TRIO: variants seen among roughly 807,000 people sequenced by gnomAD.
TRIO encodes the protein trio Rho guanine nucleotide exchange factor, also known as triple functional domain protein.
Under a neutral mutation model 351.9 loss-of-function variants are expected in TRIO, and 58 were observed. The observed-to-expected ratio is 0.16, with a 90% CI of 0.13 to 0.21. The LOEUF (loss-of-function observed/expected upper bound fraction) is 0.21. TRIO is among the 10% of genes least tolerant of loss of function. The pLI, the probability that TRIO is intolerant of heterozygous loss-of-function variation, is 1.00. For synonymous variants in TRIO, 1,758 were observed against 1,595.7 expected (o/e 1.10, Z -2.42); for missense variants, 3,201 against 4,027.8 (o/e 0.79, Z 5.56).
chr5:14,491,987 G>A (rs1462012993), intron 48 of TRIO, among the ~76,000 whole-genome samples: 3 of 152,178 alleles, frequency 2.0e-5, no homozygotes, highest in South Asian at 2.1e-4. Context: ...ATCGATTTAC[G>A]TTCAGGGGTT....
chr5:14,282,131 T>C (rs1581520728), intron 3 of TRIO, among the ~76,000 whole-genome samples: 2 of 152,358 alleles, frequency 1.3e-5, no homozygotes, highest in African/African-American at 4.8e-5. Flanking sequence ...TGAGCCCTAC[T>C]TATCTGGAGT....
intron 1 of TRIO, among the ~76,000 whole-genome samples, chr5:14,159,598 C>G (rs1052148870): frequency 1.1e-4 from 16 of 147,342 alleles, no homozygotes; most frequent in Non-Finnish European, 1.8e-4. Context: ...GAGATGGAGT[C>G]TTGCTCTGTT....
At chr5:14,249,836 A>G (rs1182979594) in intron 1 of TRIO, among the ~76,000 whole-genome samples, 2 of 152,212 alleles carry the variant, frequency 1.3e-5, no homozygotes, top group South Asian at 2.1e-4. Flanking sequence ...GGGAGAGAAC[A>G]TGGAGACAAA....
chr5:14,385,116 G>T (rs1426513662), intron 21 of TRIO, among the ~76,000 whole-genome samples: 1 of 152,358 alleles, frequency 6.6e-6, no homozygotes, highest in South Asian at 2.1e-4. Flanking sequence ...ACGAGGCTCC[G>T]TTGCTGGGGG....
intron 11 of TRIO, among the ~76,000 whole-genome samples, chr5:14,352,153 C>T (rs1216846947): frequency 2.0e-5 from 3 of 151,882 alleles, no homozygotes; most frequent in East Asian, 3.9e-4. Flanking sequence ...GGGCCCTGTA[C>T]ACACCTGCAG....
intron 34 of TRIO, among the ~76,000 whole-genome samples, chr5:14,431,440 C>T (rs1186545948): frequency 6.6e-6 from 1 of 152,188 alleles, no homozygotes; most frequent in Non-Finnish European, 1.5e-5. Flanking sequence ...TAAACAGGCT[C>T]GTTTGCCTTG....
rs1757875450 is a variant in TRIO, at chr5:14,508,513, A to C, written c.*91A>C. ...AGAAAACAAGCAAACATAACTGATC[A>C]GCTGCCGGTATGTTCATCGTGTGAA... On this transcript the variant is annotated 3_prime_UTR_variant, in exon 57 of 57. Transcript: ENST00000344204. 2.8e-6 allele frequency: 4 copies of C among 1,443,234 alleles called. No individual in the cohort carries two copies. The African/African-American group carries it at 5.7e-5, about 20-fold the overall frequency. 89.4% of individuals were successfully genotyped at this position (1,443,234 alleles called of 1,614,324 possible).
intron 10 of TRIO, among the ~76,000 whole-genome samples, chr5:14,334,740 C>G (rs1339338624): frequency 6.6e-6 from 1 of 152,244 alleles, no homozygotes; most frequent in Admixed American, 6.5e-5. Flanking sequence ...CGAGGTGACG[C>G]TCAGCTGGGG....
Position 14,207,523 on chromosome 5 carries a change from T to TACACACACACACAC in TRIO, c.158-63281_158-63268dup, listed in dbSNP as rs113435385. 5.3e-4 allele frequency among the ~76,000 whole-genome samples: 28 copies of TACACACACACACAC among 53,188 alleles called. 1 individual carries two copies. The highest frequency in any genetic ancestry group is 6.7e-4 in the African/African-American group (11 of 16,344). 34.9% of individuals were successfully genotyped at this position (53,188 alleles called of 152,430 possible). ...AGGTAGCATAGCAAGACTGTCTCTC[T>TACACACACACACAC]ACACACACACACACACACACACACA... On this transcript the variant is annotated intron_variant, in intron 1 of 56. Coordinates refer to ENST00000344204, the MANE Select transcript of TRIO (RefSeq NM_007118.4).
At chr5:14,489,383 C>T (rs1311904945) in intron 48 of TRIO, among the ~76,000 whole-genome samples, 2 of 152,222 alleles carry the variant, frequency 1.3e-5, no homozygotes, top group Admixed American at 6.5e-5. Flanking sequence ...ACTGTGTCCT[C>T]CAGAGCAAGG....
chr5:14,348,523 GT>G, intron 11 of TRIO, among the ~76,000 whole-genome samples: 1 of 152,338 alleles, frequency 6.6e-6, no homozygotes, highest in East Asian at 1.9e-4. Context: ...GTGAGGATGT[GT>G]TTTTCCTGCT....
At chr5:14,257,778 C>T (rs1795109182) in intron 1 of TRIO, among the ~76,000 whole-genome samples, 1 of 152,140 alleles carries the variant, frequency 6.6e-6, no homozygotes, top group Admixed American at 6.5e-5. Context: ...ATGTCTCAGT[C>T]TGTTCTTTTA....
At chr5:14,244,413 T>C (rs1295057802) in intron 1 of TRIO, among the ~76,000 whole-genome samples, 1 of 152,232 alleles carries the variant, frequency 6.6e-6, no homozygotes, top group Non-Finnish European at 1.5e-5. Flanking sequence ...AGAAATCAGA[T>C]GCTTTCTTTT....
At position 14,406,352 on chromosome 5, in the gene TRIO, T is replaced by C. The variant is rs1341156069; in HGVS notation, c.4860-221T>C. ...GGCAACGATCATATCAACTATATTT[T>C]ATGGTGATGGGAATCCAACAGGATG... On this transcript the variant is annotated intron_variant, in intron 32 of 56. Coordinates refer to ENST00000344204, the MANE Select transcript of TRIO (RefSeq NM_007118.4). 6.9e-6 allele frequency: 4 copies of C among 575,598 alleles called. No individual in the cohort carries two copies. In the African/African-American group the frequency reaches 7.5e-5, roughly 11 times the overall value. The allele number at this position is 575,598 out of a possible 1,614,324, so 35.7% of individuals were successfully genotyped here. A position where few individuals can be genotyped will look rare whatever the true frequency, so the allele number is the denominator to read the frequency against.
intron 41 of TRIO, 84 bp from the exon 42 acceptor site, chr5:14,479,177 A>T: frequency 8.8e-7 from 1 of 1,132,796 alleles, no homozygotes; most frequent in Non-Finnish European, 1.3e-6. Context: ...GCCTTTATGA[A>T]TGTGCTGAAA....
chr5:14,330,723 A>G (rs1740831633), intron 9 of TRIO, 55 bp from the exon 10 acceptor site: 1 of 1,590,742 alleles, frequency 6.3e-7, no homozygotes, highest in South Asian at 1.1e-5. Flanking sequence ...AACCTTAAAC[A>G]TTGAACATGG....
rs1753925973 is a variant in TRIO, at chr5:14,462,771, G to T, written c.5513G>T (p.Gly1838Val). Reference sequence around the variant, plus strand: ...GGATTTCAGAGAGGCCGGAACGAGGGCCTGAGCAGCGGTACTCTCTCCAAA... The same window carrying T: ...GGATTTCAGAGAGGCCGGAACGAGGTCCTGAGCAGCGGTACTCTCTCCAAA... ...ETVEERGRNE[G>V]LSSGTLSKSS... Residue 1838 changes from glycine to valine, a missense_variant, in exon 36 of 57, where the codon GGC (glycine) becomes GTC (valine). Transcript: ENST00000344204. 2 of 1,614,084 alleles carry T rather than the reference G, an allele frequency of 1.2e-6. No homozygotes were observed. Among genetic ancestry groups the T allele is most frequent in the African/African-American group, 1.3e-5 (1 of 74,946 alleles).
rs1371737008 is a variant in TRIO at position 14,487,798 on chromosome 5, C to G, written c.7170C>G (p.Pro2390=). 1.4e-6 allele frequency: 2 copies of G among 1,404,778 alleles called. No homozygotes were observed. The highest frequency in any genetic ancestry group is 1.9e-6 in the Non-Finnish European group (2 of 1,078,886). The allele number at this position is 1,404,778 out of a possible 1,614,324, so 87.0% of individuals were successfully genotyped here. A position where few individuals can be genotyped will look rare whatever the true frequency, so the allele number is the denominator to read the frequency against. The change falls in exon 48 of 57, where the codon CCC becomes CCG. Residue 2390 remains proline, a synonymous_variant. Coordinates refer to ENST00000344204, the MANE Select transcript of TRIO (RefSeq NM_007118.4). ...GAAPEAGPSA[P]SRRPPGADAE... is the part of the protein sequence containing the mutation. ...CCCCCGAGGCCGGCCCCAGCGCGCC[C>G]AGCAGGCGGCCCCCCGGCGCGGACG...
chr5:14,488,678 T>G (rs1756236239), intron 48 of TRIO: 2 of 549,268 alleles, frequency 3.6e-6, no homozygotes, highest in Non-Finnish European at 3.3e-6. Flanking sequence ...TTTTGCTCTT[T>G]TATGCCTTAA....
Sources: allele counts gnomAD v4.1 joint callset (sites outside exome capture counted in the v4.1 genomes callset), GRCh38; gene constraint gnomAD v4.1.1; transcripts MANE v1.5; gene names NCBI Gene and HGNC (gene_info 2026-07-23, HGNC 2026-07-21).